The following FRMD4B variants were observed in gnomAD, a reference collection of about 807,000 sequenced individuals.
FRMD4B encodes the protein FERM domain-containing protein 4B.
FRMD4B carries 74 observed loss-of-function variants against 141.5 expected under a neutral mutation model. That is an observed-to-expected ratio of 0.52 (90% CI 0.43 to 0.63). FRMD4B has a LOEUF of 0.63. Among genes scored for constraint, FRMD4B ranks in the 30% least tolerant of loss-of-function variants. FRMD4B has a pLI of 0.00. For missense variants in FRMD4B, 1,366 were observed against 1,253.4 expected (o/e 1.09, Z -1.36); for synonymous variants, 506 against 467.9 (o/e 1.08, Z -1.05).
At chr3:69,449,140 C>T (rs1456649359) in intron 1 of FRMD4B, among the ~76,000 whole-genome samples, 2 of 152,150 alleles carry the variant, frequency 1.3e-5, no homozygotes, top group African/African-American at 4.8e-5. Context: ...CCCAAGGCCT[C>T]TCAAGATCTA....
At chr3:69,417,261 G>A (rs1343085783) in intron 2 of FRMD4B, among the ~76,000 whole-genome samples, 2 of 152,132 alleles carry the variant, frequency 1.3e-5, no homozygotes, top group African/African-American at 4.8e-5. Context: ...GTGTGAGATG[G>A]TATCTCATTG....
intron 11 of FRMD4B, among the ~76,000 whole-genome samples, chr3:69,203,050 C>A (rs1274023754): frequency 1.3e-5 from 2 of 149,308 alleles, no homozygotes; most frequent in African/African-American, 4.9e-5. Flanking sequence ...AAAATATTGT[C>A]ATCACAAGAA....
At chr3:69,394,019 C>T (rs1704433514) in intron 2 of FRMD4B, among the ~76,000 whole-genome samples, 1 of 152,182 alleles carries the variant, frequency 6.6e-6, no homozygotes, top group Non-Finnish European at 1.5e-5. Context: ...GTTTGGGCCT[C>T]AGACTAAAAT....
At chr3:69,498,565 A>T (rs1706442020) in intron 1 of FRMD4B, among the ~76,000 whole-genome samples, 1 of 152,206 alleles carries the variant, frequency 6.6e-6, no homozygotes, top group Admixed American at 6.5e-5. Context: ...TGATAGTTTC[A>T]GTCTTCCTCT....
intron 1 of FRMD4B, among the ~76,000 whole-genome samples, chr3:69,335,808 T>C (rs1452694135): frequency 6.7e-6 from 1 of 149,996 alleles, no homozygotes; most frequent in East Asian, 2.0e-4. Context: ...CTTCAGTCTC[T>C]ACCTCCTAAG....
intron 7 of FRMD4B, among the ~76,000 whole-genome samples, chr3:69,246,653 G>A (rs916563894): frequency 3.3e-5 from 5 of 152,106 alleles, no homozygotes; most frequent in African/African-American, 1.2e-4. Flanking sequence ...TTACAGATGA[G>A]GGAACCGAGG....
At chr3:69,241,470 C>G (rs2106707681) in intron 7 of FRMD4B, among the ~76,000 whole-genome samples, 1 of 152,288 alleles carries the variant, frequency 6.6e-6, no homozygotes, top group East Asian at 1.9e-4. Flanking sequence ...AGAGTTTTCA[C>G]AAAAGTGTTT....
intron 1 of FRMD4B, among the ~76,000 whole-genome samples, chr3:69,481,301 G>T (rs954896063): frequency 6.6e-6 from 1 of 152,120 alleles, no homozygotes; most frequent in Non-Finnish European, 1.5e-5. Context: ...TGTCTTCTGT[G>T]TCGCTCACGC....
chr3:69,478,246 G>A (rs1205772436), intron 1 of FRMD4B, among the ~76,000 whole-genome samples: 1 of 152,056 alleles, frequency 6.6e-6, no homozygotes, highest in Non-Finnish European at 1.5e-5. Context: ...CCTTCTGCTA[G>A]CTTTTGAATG....
chr3:69,313,115 C>T (rs964434613), intron 2 of FRMD4B, among the ~76,000 whole-genome samples: 1 of 152,140 alleles, frequency 6.6e-6, no homozygotes, highest in Non-Finnish European at 1.5e-5. Flanking sequence ...GGAAGTACTA[C>T]GGTTCCCAAT....
At chr3:69,377,791 CT>C (rs1203518978) in intron 1 of FRMD4B, among the ~76,000 whole-genome samples, 8 of 151,092 alleles carry the variant, frequency 5.3e-5, no homozygotes, top group Non-Finnish European at 1.2e-4. Context: ...ACTTTTCCCT[CT>C]GCTTAATCCT....
At chr3:69,537,433 C>T (rs1575604600) in intron 1 of FRMD4B, among the ~76,000 whole-genome samples, 1 of 152,202 alleles carries the variant, frequency 6.6e-6, no homozygotes, top group East Asian at 1.9e-4. Flanking sequence ...TCTTCAAATA[C>T]TTTGCTCTAA....
intron 1 of FRMD4B, among the ~76,000 whole-genome samples, chr3:69,316,172 G>C (rs1446832658): frequency 6.6e-6 from 1 of 152,182 alleles, no homozygotes; most frequent in Non-Finnish European, 1.5e-5. Flanking sequence ...ATGAAGATGT[G>C]GCCCACAGGA....
chr3:69,420,638 A>G (rs146099721), intron 2 of FRMD4B, among the ~76,000 whole-genome samples: 61 of 152,314 alleles, frequency 4.0e-4, no homozygotes, highest in African/African-American at 1.4e-3. Flanking sequence ...TTATCCCTGT[A>G]AGGACTTTAG....
chr3:69,406,476 A>G (rs1704651583), intron 2 of FRMD4B, among the ~76,000 whole-genome samples: 1 of 152,206 alleles, frequency 6.6e-6, no homozygotes. Flanking sequence ...CTGATCCTTT[A>G]AATAGCCTTG....
intron 19 of FRMD4B, among the ~76,000 whole-genome samples, chr3:69,183,431 C>G (rs2092729666): frequency 6.6e-6 from 1 of 150,436 alleles, no homozygotes; most frequent in Non-Finnish European, 1.5e-5. Flanking sequence ...CTTTAAGTCA[C>G]TATGTCTACT....
rs371485656 is a variant in FRMD4B, at chr3:69,412,928, G to A, written c.-1+19706C>T. 1.4e-4 allele frequency among the ~76,000 whole-genome samples: 18 copies of A among 131,998 alleles called. 1 individual carries two copies. In the East Asian group the frequency reaches 3.0e-3, roughly 22 times the overall value. 86.6% of individuals were successfully genotyped at this position (131,998 alleles called of 152,430 possible). The stretch of plus-strand genomic sequence containing the variant: ...TGAAGTTGGGTGGGAAGCTTCACAC[G>A]CACCAGGCATGAAATCAAACCTTCT... On this transcript the variant is annotated intron_variant, in intron 2 of 5. Transcript: ENST00000459638.
intron 5 of FRMD4B, among the ~76,000 whole-genome samples, chr3:69,273,058 C>A (rs546579369): frequency 1.9e-4 from 29 of 152,188 alleles, no homozygotes; most frequent in Middle Eastern, 3.4e-3. Flanking sequence ...TTTGGTGCTG[C>A]CTACATGGTA....
At chr3:69,352,041 T>G (rs911159794) in intron 1 of FRMD4B, among the ~76,000 whole-genome samples, 3 of 152,160 alleles carry the variant, frequency 2.0e-5, no homozygotes, top group African/African-American at 4.8e-5. Flanking sequence ...ATACTTCAAA[T>G]GTAGGATCAA....
Sources: gnomAD v4.1 joint callset for allele counts (sites outside exome capture counted in the v4.1 genomes callset) on GRCh38, gnomAD v4.1.1 for gene constraint, MANE v1.5 for transcripts, NCBI Gene and HGNC (gene_info 2026-07-23, HGNC 2026-07-21) for gene names.